The following NR3C2 variants were observed in gnomAD, a reference collection of about 807,000 sequenced individuals.
NR3C2 encodes mineralocorticoid receptor.
NR3C2 carries 15 observed loss-of-function variants against 86.4 expected under a neutral mutation model. The observed-to-expected ratio is 0.17, with a 90% CI of 0.12 to 0.27. The LOEUF (loss-of-function observed/expected upper bound fraction) is 0.27. Among genes scored for constraint, NR3C2 ranks in the 10% least tolerant of loss-of-function variants. The probability of loss-of-function intolerance (pLI) is 1.00; values close to 1 mark genes in which losing one functional copy is unlikely to be tolerated. For missense variants in NR3C2, 960 were observed against 1,195.6 expected, an observed-to-expected ratio of 0.80 and a Z score of 2.91; for synonymous variants, 458 against 450.5, an observed-to-expected ratio of 1.02 and a Z score of -0.21.
At chr4:148,342,859 T>C (rs1744815301) in intron 2 of NR3C2, among the ~76,000 whole-genome samples, 1 of 152,186 alleles carries the variant, frequency 6.6e-6, no homozygotes, top group Non-Finnish European at 1.5e-5. Flanking sequence ...GCTTTAGCTA[T>C]AAGGTTAATT....
intron 3 of NR3C2, among the ~76,000 whole-genome samples, chr4:148,241,497 C>A (rs1458090013): frequency 6.6e-6 from 1 of 151,830 alleles, no homozygotes; most frequent in Non-Finnish European, 1.5e-5. Flanking sequence ...TCCTTCCTGC[C>A]CCAGGGCCTT....
intron 2 of NR3C2, among the ~76,000 whole-genome samples, chr4:148,310,919 T>C (rs186447913): frequency 1.3e-5 from 2 of 152,282 alleles, no homozygotes; most frequent in Admixed American, 1.3e-4. Context: ...CTGCACATGG[T>C]CAGCCACAGC....
chr4:148,301,155 A>G (rs920920250), intron 2 of NR3C2, among the ~76,000 whole-genome samples: 2 of 152,110 alleles, frequency 1.3e-5, no homozygotes, highest in South Asian at 4.1e-4. Flanking sequence ...CAAACAAAAA[A>G]TCTTATAGCT....
intron 3 of NR3C2, among the ~76,000 whole-genome samples, chr4:148,250,959 G>T (rs769101431): frequency 8.6e-5 from 13 of 151,678 alleles, no homozygotes; most frequent in African/African-American, 2.9e-4. Context: ...TTTTTTTTGG[G>T]GGGGAGTGGG....
chr4:148,131,229 T>C (rs1445667193), intron 6 of NR3C2, among the ~76,000 whole-genome samples: 2 of 152,160 alleles, frequency 1.3e-5, no homozygotes, highest in African/African-American at 2.4e-5. Context: ...ATAGTGTCAA[T>C]CTCGCAACAG....
intron 3 of NR3C2, among the ~76,000 whole-genome samples, chr4:148,221,613 C>T (rs1205424181): frequency 1.3e-5 from 2 of 152,108 alleles, no homozygotes; most frequent in African/African-American, 4.8e-5. Context: ...GTGCTACAGG[C>T]CAGGTGCGGT....
At chr4:148,299,824 T>C (rs1373620346) in intron 2 of NR3C2, among the ~76,000 whole-genome samples, 2 of 152,330 alleles carry the variant, frequency 1.3e-5, no homozygotes, top group South Asian at 2.1e-4. Context: ...TACAGCTGTT[T>C]GTTTTTTTCT....
At chr4:148,429,454 C>T (rs1749699234) in intron 2 of NR3C2, among the ~76,000 whole-genome samples, 1 of 152,078 alleles carries the variant, frequency 6.6e-6, no homozygotes, top group Admixed American at 6.6e-5. Context: ...GTCCTGTTTC[C>T]TTCCTTAAAC....
At chr4:148,221,893 T>TAAAAAA (rs11378484) in intron 3 of NR3C2, among the ~76,000 whole-genome samples, 2 of 122,698 alleles carry the variant, frequency 1.6e-5, no homozygotes, top group African/African-American at 3.1e-5. Flanking sequence ...GACTCTGTCT[T>TAAAAAA]AAAAAAAAAA....
chr4:148,187,146 T>G (rs1281715874), intron 4 of NR3C2, among the ~76,000 whole-genome samples: 2 of 151,242 alleles, frequency 1.3e-5, no homozygotes, highest in Admixed American at 6.6e-5. Context: ...TCCACAATTT[T>G]GCAGTTGTGA....
At chr4:148,213,824 C>G (rs1338794870) in intron 3 of NR3C2, among the ~76,000 whole-genome samples, 1 of 152,230 alleles carries the variant, frequency 6.6e-6, no homozygotes, top group Non-Finnish European at 1.5e-5. Context: ...ACTACAGTCA[C>G]TGTAGCTGTC....
intron 3 of NR3C2, among the ~76,000 whole-genome samples, chr4:148,234,850 T>C (rs150451160): frequency 4.4e-4 from 67 of 152,282 alleles, no homozygotes; most frequent in African/African-American, 1.6e-3. Flanking sequence ...CAGGGGTACA[T>C]ATGCAGGTTT....
At position 148,435,453 on chromosome 4, in the gene NR3C2, A is replaced by T; in HGVS notation, c.1408T>A (p.Ser470Thr). 6.2e-7 allele frequency: 1 copy of T among 1,614,180 alleles called. No homozygotes were observed. The highest frequency in any genetic ancestry group is 8.5e-7 in the Non-Finnish European group (1 of 1,180,034). ...GGCACAGGTGGTCCTAAAATTCCTG[A>T]TAGGGAATAATAGTCTTTATCATCC... ...FMDDKDYYSLSGILGPPVPGF... is the reference protein window; with the variant it reads ...FMDDKDYYSLTGILGPPVPGF... The change falls in exon 2 of 9, where the codon TCA (serine) becomes ACA (threonine). Residue 470 changes from serine to threonine, a missense_variant. Physicochemically the swap from Ser to Thr is moderately conservative, Grantham distance 58. Around this residue, in one of 4 missense-constraint regions of NR3C2, gnomAD observed 680 missense variants for 719.0 expected, o/e 0.95. Transcript: ENST00000358102.
At chr4:148,168,556 G>A (rs920763487) in intron 4 of NR3C2, among the ~76,000 whole-genome samples, 1 of 152,190 alleles carries the variant, frequency 6.6e-6, no homozygotes, top group Admixed American at 6.5e-5. Context: ...GAGGGACTTA[G>A]AGAAATGTGT....
intron 3 of NR3C2, among the ~76,000 whole-genome samples, chr4:148,249,470 T>A (rs1177754111): frequency 1.3e-5 from 2 of 152,214 alleles, no homozygotes; most frequent in East Asian, 3.9e-4. Flanking sequence ...GACCTTTCAA[T>A]CTTGTTGATA....
chr4:148,290,128 T>C (rs1741730530), intron 2 of NR3C2, among the ~76,000 whole-genome samples: 2 of 152,132 alleles, frequency 1.3e-5, no homozygotes, highest in Non-Finnish European at 2.9e-5. Context: ...CCGGGGCCTC[T>C]CTCTGTCTTC....
At chr4:148,309,695 T>C (rs1742814540) in intron 2 of NR3C2, among the ~76,000 whole-genome samples, 1 of 152,228 alleles carries the variant, frequency 6.6e-6, no homozygotes, top group Non-Finnish European at 1.5e-5. Flanking sequence ...TGCAGTGTTT[T>C]TATGAACAGA....
intron 2 of NR3C2, among the ~76,000 whole-genome samples, chr4:148,286,682 A>T (rs1196880995): frequency 1.3e-5 from 2 of 152,218 alleles, no homozygotes; most frequent in African/African-American, 4.8e-5. Context: ...TTTTCTAAAT[A>T]GTCACAGCCT....
At chr4:148,363,225 G>A (rs1261378427) in intron 2 of NR3C2, among the ~76,000 whole-genome samples, 1 of 152,120 alleles carries the variant, frequency 6.6e-6, no homozygotes, top group African/African-American at 2.4e-5. Context: ...ACAACATATT[G>A]CTTTTGTATT....
Sources: gnomAD v4.1 joint callset for allele counts (sites outside exome capture counted in the v4.1 genomes callset) on GRCh38, gnomAD v4.1.1 for gene constraint, gnomAD v4.1.1 regional missense constraint, MANE v1.5 for transcripts, NCBI Gene and HGNC (gene_info 2026-07-23, HGNC 2026-07-21) for gene names.